The following ST8SIA6 variants were observed in gnomAD, a reference collection of about 807,000 sequenced individuals.
ST8SIA6 encodes ST8 alpha-N-acetyl-neuraminide alpha-2,8-sialyltransferase 6, also known as alpha-2,8-sialyltransferase 8F.
ST8SIA6 carries 39 observed loss-of-function variants against 33.6 expected under a neutral mutation model. That is an observed-to-expected ratio of 1.16 (90% CI 0.90 to 1.52). ST8SIA6 has a LOEUF of 1.52. Ranked by LOEUF, ST8SIA6 falls within the 40% of genes most tolerant of loss-of-function variation. The probability of loss-of-function intolerance (pLI) is 0.00; values close to 1 mark genes in which losing one functional copy is unlikely to be tolerated. For missense variants in ST8SIA6, 441 were observed against 443.8 expected, an observed-to-expected ratio of 0.99 and a Z score of 0.06; for synonymous variants, 172 against 167.2, an observed-to-expected ratio of 1.03 and a Z score of -0.22.
At chr10:17,353,753 G>C (rs2131611195) in intron 4 of ST8SIA6, among the ~76,000 whole-genome samples, 1 of 152,252 alleles carries the variant, frequency 6.6e-6, no homozygotes, top group East Asian at 1.9e-4. Flanking sequence ...AAATGTGTGG[G>C]TTGACATAAT....
intron 2 of ST8SIA6, among the ~76,000 whole-genome samples, chr10:17,448,097 G>C (rs1852783463): frequency 6.6e-6 from 1 of 152,126 alleles, no homozygotes; most frequent in Non-Finnish European, 1.5e-5. Context: ...CACTGTGCCT[G>C]GCCTAGTTTG....
intron 2 of ST8SIA6, among the ~76,000 whole-genome samples, chr10:17,440,771 G>A (rs1453995750): frequency 6.6e-6 from 1 of 151,966 alleles, no homozygotes; most frequent in Non-Finnish European, 1.5e-5. Flanking sequence ...CCTTCTCCAT[G>A]TCACGGTGGC....
intron 3 of ST8SIA6, among the ~76,000 whole-genome samples, chr10:17,376,321 A>C (rs1213486625): frequency 1.3e-5 from 2 of 152,184 alleles, no homozygotes; most frequent in African/African-American, 2.4e-5. Context: ...TGCCTGATAA[A>C]GAAGGAATAT....
intron 2 of ST8SIA6, among the ~76,000 whole-genome samples, chr10:17,412,856 A>G (rs80317600): frequency 0.04 from 6,072 of 152,318 alleles, 259 homozygotes; most frequent in African/African-American, 0.098. Context: ...TTTTTAGCAT[A>G]AAGAAAAGAC....
chr10:17,336,838 C>A (rs1848514406), intron 4 of ST8SIA6, among the ~76,000 whole-genome samples: 1 of 152,084 alleles, frequency 6.6e-6, no homozygotes. Flanking sequence ...AGTTGATCCA[C>A]CCCCCTCGGC....
At chr10:17,336,464 C>T (rs1848502360) in intron 4 of ST8SIA6, among the ~76,000 whole-genome samples, 1 of 152,122 alleles carries the variant, frequency 6.6e-6, no homozygotes, top group Admixed American at 6.5e-5. Flanking sequence ...GATCTGAGTG[C>T]ATGTCACCTT....
At chr10:17,365,203 A>G (rs1041215285) in intron 3 of ST8SIA6, among the ~76,000 whole-genome samples, 1 of 152,184 alleles carries the variant, frequency 6.6e-6, no homozygotes, top group Admixed American at 6.6e-5. Context: ...ATTATAAATA[A>G]CCTACTAAAT....
intron 6 of ST8SIA6, among the ~76,000 whole-genome samples, chr10:17,326,496 T>C (rs1032221865): frequency 7.9e-5 from 12 of 152,226 alleles, no homozygotes; most frequent in Non-Finnish European, 1.8e-4. Context: ...ACTTAGAAGC[T>C]GTACAAATTT....
At chr10:17,349,953 CAT>C (rs763992852) in intron 4 of ST8SIA6, among the ~76,000 whole-genome samples, 51 of 147,952 alleles carry the variant, frequency 3.4e-4, no homozygotes, top group Admixed American at 1.4e-3. Flanking sequence ...CACACACACA[CAT>C]ACACACACAA....
At chr10:17,347,975 A>AAAAAAAAAAAAAC (rs1848899564) in intron 4 of ST8SIA6, among the ~76,000 whole-genome samples, 1 of 150,170 alleles carries the variant, frequency 6.7e-6, no homozygotes, top group Admixed American at 6.6e-5. Context: ...AAAAAAAAAA[A>AAAAAAAAAAAAAC]TTAAAGCTGA....
intron 3 of ST8SIA6, among the ~76,000 whole-genome samples, chr10:17,371,783 TAAAAAA>T (rs747851635): frequency 2.1e-4 from 21 of 98,544 alleles, no homozygotes; most frequent in Non-Finnish European, 4.0e-4. Flanking sequence ...AAGACTCCAT[TAAAAAA>T]AAAAAAAAAA....
chr10:17,321,401 G>A, intron 7 of ST8SIA6, 55 bp from the exon 8 acceptor site: 4 of 1,402,958 alleles, frequency 2.9e-6, no homozygotes, highest in Non-Finnish European at 3.8e-6. Context: ...CAAAGTAGCA[G>A]TTTTGATAAC....
chr10:17,335,887 A>G (rs1848484411), intron 4 of ST8SIA6, among the ~76,000 whole-genome samples: 1 of 152,188 alleles, frequency 6.6e-6, no homozygotes, highest in Non-Finnish European at 1.5e-5. Context: ...GCCCTCAAGA[A>G]TATTGCATCA....
At chr10:17,363,652 AC>A in intron 3 of ST8SIA6, among the ~76,000 whole-genome samples, 1 of 152,344 alleles carries the variant, frequency 6.6e-6, no homozygotes, top group South Asian at 2.1e-4. Flanking sequence ...ATGGGAGCTG[AC>A]CGCTAAGCTT....
intron 4 of ST8SIA6, among the ~76,000 whole-genome samples, chr10:17,342,905 C>A (rs745553406): frequency 6.6e-6 from 1 of 152,012 alleles, no homozygotes; most frequent in Non-Finnish European, 1.5e-5. Flanking sequence ...GCTGAGATCG[C>A]GCCACCATGC....
chr10:17,378,864 C>T (rs569326703), intron 3 of ST8SIA6, among the ~76,000 whole-genome samples: 3 of 152,296 alleles, frequency 2.0e-5, no homozygotes, highest in South Asian at 4.1e-4. Flanking sequence ...CGGTGGCTCA[C>T]ACCTGTAATC....
At chr10:17,374,745 A>AT (rs1178348708) in intron 3 of ST8SIA6, among the ~76,000 whole-genome samples, 55 of 88,084 alleles carry the variant, frequency 6.2e-4, no homozygotes, top group African/African-American at 2.1e-3. Flanking sequence ...TAAATAAATA[A>AT]ATAATAAATA....
chr10:17,352,586 A>G (rs1290029933), intron 4 of ST8SIA6, among the ~76,000 whole-genome samples: 1 of 152,184 alleles, frequency 6.6e-6, no homozygotes, highest in African/African-American at 2.4e-5. Flanking sequence ...ACATGTGAAC[A>G]TAAAAATATA....
intron 2 of ST8SIA6, among the ~76,000 whole-genome samples, chr10:17,392,330 A>T (rs570252546): frequency 6.6e-6 from 1 of 152,268 alleles, no homozygotes; most frequent in South Asian, 2.1e-4. Flanking sequence ...CCCAAGGATG[A>T]TCCAAACAAA....
Sources: gnomAD v4.1 joint callset for allele counts (sites outside exome capture counted in the v4.1 genomes callset) on GRCh38, gnomAD v4.1.1 for gene constraint, MANE v1.5 for transcripts, NCBI Gene and HGNC (gene_info 2026-07-23, HGNC 2026-07-21) for gene names.